EML4: variants seen among roughly 807,000 people sequenced by gnomAD.
EML4 encodes EMAP like 4.
EML4 carries 72 observed loss-of-function variants against 129.0 expected under a neutral mutation model. The ratio of observed to expected loss-of-function variants is 0.56; its 90% CI spans 0.46 to 0.68. EML4 has a LOEUF of 0.68. EML4 is among the 30% of genes least tolerant of loss of function. The probability of loss-of-function intolerance (pLI) is 0.00; values close to 1 mark genes in which losing one functional copy is unlikely to be tolerated. For synonymous variants in EML4, 532 were observed against 405.0 expected (o/e 1.31, Z -3.77); for missense variants, 1,363 against 1,190.6 (o/e 1.14, Z -2.13).
At chr2:42,257,612 G>A (rs1676242305) in intron 3 of EML4, among the ~76,000 whole-genome samples, 1 of 152,144 alleles carries the variant, frequency 6.6e-6, no homozygotes, top group Non-Finnish European at 1.5e-5. Context: ...GAGGCGGGCG[G>A]ATCACGAGGT....
At chr2:42,289,170 A>G (rs1307124160) in intron 11 of EML4, 1 of 152,256 alleles carries the variant, frequency 6.6e-6, no homozygotes, top group Non-Finnish European at 1.5e-5. Context: ...AACTTTAAAA[A>G]ACATAAATGA....
At chr2:42,221,823 C>T (rs1045191632) in intron 1 of EML4, among the ~76,000 whole-genome samples, 7 of 151,822 alleles carry the variant, frequency 4.6e-5, no homozygotes, top group African/African-American at 9.7e-5. Context: ...AGGCTGGTCT[C>T]GAACTCCTGA....
At chr2:42,285,067 C>A (rs372539019) in intron 9 of EML4, among the ~76,000 whole-genome samples, 1 of 149,768 alleles carries the variant, frequency 6.7e-6, no homozygotes, top group Admixed American at 6.6e-5. Flanking sequence ...TATTTACTTT[C>A]TTAATTAATT....
At chr2:42,241,071 A>C (rs1319955695) in intron 1 of EML4, among the ~76,000 whole-genome samples, 1 of 152,098 alleles carries the variant, frequency 6.6e-6, no homozygotes, top group African/African-American at 2.4e-5. Context: ...CTGAGGCAGG[A>C]GAATCTCTTG....
chr2:42,278,829 G>A (rs1182413604), intron 6 of EML4, among the ~76,000 whole-genome samples: 2 of 151,910 alleles, frequency 1.3e-5, no homozygotes, highest in South Asian at 2.1e-4. Context: ...CCAGCTACTC[G>A]GGAGGCTGAG....
intron 1 of EML4, among the ~76,000 whole-genome samples, chr2:42,178,599 TGTGGTGC>T (rs1670753776): frequency 6.6e-6 from 1 of 152,124 alleles, no homozygotes; most frequent in Non-Finnish European, 1.5e-5. Context: ...GTATCCCCCG[TGTGGTGC>T]CTGTCACGTG....
intron 10 of EML4, among the ~76,000 whole-genome samples, chr2:42,286,701 G>A (rs543667629): frequency 5.3e-5 from 8 of 152,278 alleles, no homozygotes; most frequent in Admixed American, 3.3e-4. Context: ...ACAAGCAATA[G>A]GATGCATTTT....
At chr2:42,325,232 T>C (rs879892772) in intron 19 of EML4, 5 of 584,038 alleles carry the variant, frequency 8.6e-6, no homozygotes, top group Non-Finnish European at 1.7e-5. Context: ...TGGAAGTGTC[T>C]AATACAGGTA....
At position 42,329,811 on chromosome 2, in the gene EML4, A is replaced by G. The variant is rs1670002012; in HGVS notation, c.2550A>G (p.Ile850Met). The G allele has an allele frequency of 1.2e-6, 2 of 1,614,024 alleles. No homozygotes were observed. The highest frequency in any genetic ancestry group is 1.1e-5 in the South Asian group (1 of 91,090). Residue 850 changes from isoleucine to methionine, a missense_variant, in exon 23 of 23, where the codon ATA (isoleucine) becomes ATG (methionine). By Grantham distance (10) the Ile-to-Met change is conservative. Transcript: ENST00000318522. ...TTACTCACAATGACAGTCACCTGAT[A>G]TCAACTGGTGGAAAAGACATGAGCA... The part of the protein sequence containing the change: ...VSFTHNDSHL[I>M]STGGKDMSII...
intron 1 of EML4, among the ~76,000 whole-genome samples, chr2:42,244,197 C>T (rs1163711614): frequency 6.8e-6 from 1 of 147,714 alleles, no homozygotes; most frequent in African/African-American, 2.5e-5. Context: ...CTCCTGGGTT[C>T]AAGCAATTCT....
intron 1 of EML4, among the ~76,000 whole-genome samples, chr2:42,208,670 T>G (rs1009975614): frequency 6.6e-6 from 1 of 151,964 alleles, no homozygotes; most frequent in African/African-American, 2.4e-5. Flanking sequence ...CCTGACCTCA[T>G]GATCCACCCT....
chr2:42,193,405 A>G (rs1671713878), intron 1 of EML4, among the ~76,000 whole-genome samples: 1 of 148,350 alleles, frequency 6.7e-6, no homozygotes, highest in South Asian at 2.1e-4. Flanking sequence ...TGGTTTTTAG[A>G]TGAACGATAA....
intron 1 of EML4, among the ~76,000 whole-genome samples, chr2:42,215,651 A>G (rs150357530): frequency 6.1e-4 from 93 of 152,268 alleles, no homozygotes; most frequent in African/African-American, 2.1e-3. Flanking sequence ...TCTGTTATCA[A>G]CCTGTTTTCT....
At chr2:42,225,337 A>G (rs190776620) in intron 1 of EML4, among the ~76,000 whole-genome samples, 4 of 152,134 alleles carry the variant, frequency 2.6e-5, no homozygotes, top group South Asian at 4.1e-4. Context: ...ACTGTTTTCT[A>G]TGGTGGCTAA....
intron 6 of EML4, among the ~76,000 whole-genome samples, chr2:42,266,932 A>T (rs1666096274): frequency 6.6e-6 from 1 of 152,200 alleles, no homozygotes; most frequent in African/African-American, 2.4e-5. Flanking sequence ...ATGTGTGGAA[A>T]AGGAGTTTGG....
intron 6 of EML4, among the ~76,000 whole-genome samples, chr2:42,280,133 G>A (rs867732775): frequency 6.6e-5 from 10 of 152,138 alleles, no homozygotes; most frequent in Non-Finnish European, 8.8e-5. Context: ...ATCCAGTAGC[G>A]TGGTAGACAT....
At position 42,188,045 on chromosome 2, in the gene EML4, T is replaced by C. The variant is rs567079064; in HGVS notation, c.25+18409T>C. On this transcript the variant is annotated intron_variant, in intron 1 of 22. Coordinates refer to ENST00000318522, the MANE Select transcript of EML4 (RefSeq NM_019063.5). ...AGTCAAGTTTCGTTTATTTGCACAC[T>C]GATGATTTTTGTTCCAGCACAATTG... Among the ~76,000 whole-genome samples the C allele has an allele frequency of 2.0e-3, 305 of 152,304 alleles. 1 individual carries two copies. The highest frequency in any genetic ancestry group is 7.0e-3 in the African/African-American group (289 of 41,562).
intron 19 of EML4, among the ~76,000 whole-genome samples, chr2:42,322,828 C>T (rs527383093): frequency 6.6e-6 from 1 of 152,232 alleles, no homozygotes; most frequent in African/African-American, 2.4e-5. Flanking sequence ...GTAACATAGA[C>T]CCCAACAGCT....
intron 13 of EML4, among the ~76,000 whole-genome samples, chr2:42,296,491 C>G (rs1353208269): frequency 2.0e-5 from 3 of 151,938 alleles, no homozygotes; most frequent in Non-Finnish European, 4.4e-5. Context: ...CTCTCTCTCT[C>G]TCTCTCTGGA....
Sources: gnomAD v4.1 joint callset for allele counts (sites outside exome capture counted in the v4.1 genomes callset) on GRCh38, gnomAD v4.1.1 for gene constraint, MANE v1.5 for transcripts, NCBI Gene and HGNC (gene_info 2026-07-23, HGNC 2026-07-21) for gene names.